Variants in KIF27 observed in about 807,000 individuals in gnomAD.
KIF27 encodes kinesin-like protein KIF27.
A neutral mutation model predicts 141.8 loss-of-function variants in KIF27; 84 were observed. That is an observed-to-expected ratio of 0.59 (90% confidence interval 0.50 to 0.71). KIF27 has a LOEUF of 0.71. Ranked by LOEUF, KIF27 falls within the 30% of genes least tolerant of loss-of-function variation. KIF27 has a pLI of 0.00. For synonymous variants in KIF27, 471 were observed against 569.5 expected, an observed-to-expected ratio of 0.83 and a Z score of 2.46; for missense variants, 1,306 against 1,628.4, an observed-to-expected ratio of 0.80 and a Z score of 3.41.
chr9:83,865,616 T>C (rs1476449077), intron 13 of KIF27, among the ~76,000 whole-genome samples: 6 of 152,168 alleles, frequency 3.9e-5, no homozygotes, highest in African/African-American at 1.2e-4. Context: ...ACCCTTTTAA[T>C]TTCCAAGAGC....
intron 2 of KIF27, among the ~76,000 whole-genome samples, chr9:83,912,881 C>T (rs766062657): frequency 1.3e-5 from 2 of 151,954 alleles, no homozygotes; most frequent in African/African-American, 2.4e-5. Flanking sequence ...TAAAGCCAGG[C>T]GTGGTGGTTC....
intron 16 of KIF27, among the ~76,000 whole-genome samples, chr9:83,845,878 T>C (rs1201094762): frequency 6.6e-6 from 1 of 152,172 alleles, no homozygotes; most frequent in African/African-American, 2.4e-5. Flanking sequence ...AGTCAAAAAC[T>C]GTGAAGATAT....
Position 83,846,768 on chromosome 9 carries a change from CTT to C in KIF27, c.3556+3329_3556+3330del, listed in dbSNP as rs553560952. Among the ~76,000 whole-genome samples, 17 of 152,222 alleles carry C rather than the reference CTT, an allele frequency of 1.1e-4. 1 individual carries two copies. In the South Asian group the frequency reaches 3.5e-3, roughly 32 times the overall value. Reference sequence around the variant, plus strand: ...TATTATGTTCTGCTGGCCTAGAGGTCTTTGTTTCAGAGGAAGAAACACTGCCA... The same window carrying C: ...TATTATGTTCTGCTGGCCTAGAGGTCTGTTTCAGAGGAAGAAACACTGCCA... On this transcript the variant is annotated intron_variant, in intron 16 of 17. Transcript: ENST00000297814.
chr9:83,892,258 TC>T (rs1306509809), intron 5 of KIF27, among the ~76,000 whole-genome samples: 1 of 152,214 alleles, frequency 6.6e-6, no homozygotes, highest in African/African-American at 2.4e-5. Flanking sequence ...CCTTACATTT[TC>T]ATTGTATAAA....
chr9:83,857,675 T>C (rs1012799020), intron 14 of KIF27, among the ~76,000 whole-genome samples: 11 of 152,234 alleles, frequency 7.2e-5, no homozygotes, highest in Non-Finnish European at 1.3e-4. Flanking sequence ...TTCTCATCTC[T>C]GTGCCTTCTT....
At chr9:83,904,761 T>A (rs559139052) in intron 3 of KIF27, among the ~76,000 whole-genome samples, 1 of 152,134 alleles carries the variant, frequency 6.6e-6, no homozygotes, top group Non-Finnish European at 1.5e-5. Flanking sequence ...TTAAAAGGCA[T>A]TCGTTTTTTT....
At position 83,908,572 on chromosome 9, in the gene KIF27, T is replaced by C; in HGVS notation, c.379A>G (p.Ile127Val). 2.5e-6 allele frequency: 4 copies of C among 1,611,784 alleles called. No homozygotes were observed. Among genetic ancestry groups the C allele is most frequent in the East Asian group, 4.5e-5 (2 of 44,824 alleles). ...IFQSISEHPSIDFNVKVSYIE... is the reference protein window; with the variant it reads ...IFQSISEHPSVDFNVKVSYIE... ...TAAGATACTTTTACATTAAAGTCAA[T>C]GCTAGGATGTTCAGAGATGCTTTGA... Residue 127 changes from isoleucine to valine, a missense_variant, in exon 3 of 18, where the codon ATT becomes GTT. Around this residue, in one of 4 missense-constraint regions of KIF27, gnomAD observed 533 missense variants for 565.6 expected, o/e 0.94. Transcript: ENST00000297814.
intron 9 of KIF27, 73 bp from the exon 10 acceptor site, chr9:83,884,091 C>G: frequency 9.0e-7 from 1 of 1,109,778 alleles, no homozygotes; most frequent in Non-Finnish European, 1.3e-6. Flanking sequence ...CATAAAAATA[C>G]TCTACTCTAA....
At chr9:83,847,021 C>T (rs896034289) in intron 16 of KIF27, among the ~76,000 whole-genome samples, 3 of 152,092 alleles carry the variant, frequency 2.0e-5, no homozygotes, top group East Asian at 3.9e-4. Flanking sequence ...CTTAGTATTA[C>T]CATGCTCTGT....
intron 9 of KIF27, among the ~76,000 whole-genome samples, chr9:83,885,226 G>T (rs1454672084): frequency 6.6e-6 from 1 of 152,102 alleles, no homozygotes; most frequent in Non-Finnish European, 1.5e-5. Context: ...CTGAGTAGCT[G>T]GGATTACAGG....
Position 83,880,445 on chromosome 9 carries a change from A to G in KIF27, c.2495T>C (p.Ile832Thr). Residue 832 changes from isoleucine to threonine, a missense_variant, in exon 11 of 18, where the codon ATC becomes ACC. By Grantham distance (89) the Ile-to-Thr change is moderately conservative. Around this residue, in one of 4 missense-constraint regions of KIF27, gnomAD observed 596 missense variants for 751.6 expected, o/e 0.79. Transcript: ENST00000297814. ...QDSKKLASLS[I>T]QNEKRANELE... ...CTCATTAGCACGTTTCTCATTTTGG[A>G]TTGACAGTGATGCCAGTTTCTTACT... 6.2e-7 allele frequency: 1 copy of G among 1,612,968 alleles called. No individual in the cohort carries two copies. Among genetic ancestry groups the G allele is most frequent in the Non-Finnish European group, 8.5e-7 (1 of 1,179,788 alleles).
In KIF27 at chr9:83,850,830, C is replaced by CTTTTTT. The variant is rs202212264; in HGVS notation, c.3358-539_3358-534dup. 1.4e-3 allele frequency among the ~76,000 whole-genome samples: 95 copies of CTTTTTT among 67,522 alleles called. 2 individuals carry two copies. The highest frequency in any genetic ancestry group is 2.0e-3 in the Non-Finnish European group (70 of 34,872). The allele number at this position is 67,522 out of a possible 152,430, so 44.3% of individuals were successfully genotyped here. A position where few individuals can be genotyped will look rare whatever the true frequency, so the allele number is the denominator to read the frequency against. ...TGGAATTCTGAATTGATGACATTTTCTTTTTTTTTTTTTTTTTTTTTTTTT... is the reference window on the plus strand; with the variant it reads ...TGGAATTCTGAATTGATGACATTTTCTTTTTTTTTTTTTTTTTTTTTTTTTTTTTTT... On this transcript the variant is annotated intron_variant, in intron 15 of 17. Transcript: ENST00000297814.
At chr9:83,908,984 A>C (rs1354519824) in intron 2 of KIF27, among the ~76,000 whole-genome samples, 1 of 152,166 alleles carries the variant, frequency 6.6e-6, no homozygotes, top group African/African-American at 2.4e-5. Context: ...GTATCCCCTT[A>C]CCAAGAATTT....
chr9:83,888,590 C>T lies in KIF27; in HGVS notation c.1982G>A (p.Cys661Tyr), dbSNP rs745564312. Residue 661 changes from cysteine to tyrosine, a missense_variant and splice_region_variant, in exon 8 of 18, where the codon TGT becomes TAT. By Grantham distance (194) the Cys-to-Tyr change is radical (BLOSUM62 -2). Around this residue, in one of 4 missense-constraint regions of KIF27, gnomAD observed 596 missense variants for 751.6 expected, o/e 0.79. Transcript: ENST00000297814. ...SEGQEKSGTR[C>Y]RSRSWIQKPD... ...CTTCTGAATCCATGAACGACTTCTACATCTTAAAAAAAAATCAGAAAGTTA... is the reference window on the plus strand; with the variant it reads ...CTTCTGAATCCATGAACGACTTCTATATCTTAAAAAAAAATCAGAAAGTTA... The T allele has an allele frequency of 2.5e-5, 38 of 1,550,680 alleles. No individual in the cohort carries two copies. The highest frequency in any genetic ancestry group is 3.3e-5 in the Non-Finnish European group (38 of 1,137,180).
At chr9:83,875,663 A>G (rs1447296336) in intron 11 of KIF27, among the ~76,000 whole-genome samples, 1 of 152,142 alleles carries the variant, frequency 6.6e-6, no homozygotes, top group Non-Finnish European at 1.5e-5. Flanking sequence ...TCAGGAAGAG[A>G]GGAAAAAACA....
Position 83,903,187 on chromosome 9 carries a change from T to A in KIF27, c.1331A>T (p.Asn444Ile). 1 of 1,614,180 alleles carries A rather than the reference T, an allele frequency of 6.2e-7. No homozygotes were observed. Reference sequence around the variant, plus strand: ...AGCCTTCCTGACCTCTTGGATCATGTTAAACCACTCCTGCAGTTTGTGTTG... The same window carrying A: ...AGCCTTCCTGACCTCTTGGATCATGATAAACCACTCCTGCAGTTTGTGTTG... ...KQQHKLQEWF[N>I]MIQEVRKAVL... Residue 444 changes from asparagine to isoleucine, a missense_variant, in exon 4 of 18, where the codon AAC (asparagine) becomes ATC (isoleucine). Physicochemically the swap from Asn to Ile is moderately radical, Grantham distance 149. Transcript: ENST00000297814.
At chr9:83,862,451 G>C (rs1484891725) in intron 13 of KIF27, among the ~76,000 whole-genome samples, 1 of 152,048 alleles carries the variant, frequency 6.6e-6, no homozygotes, top group Non-Finnish European at 1.5e-5. Flanking sequence ...CCCATTTCTT[G>C]TTTTGTCAGG....
In KIF27 at chr9:83,848,146, CTGATATATCATATATG is replaced by C. The variant is rs1947716345; in HGVS notation, c.3556+1937_3556+1952del. Among the ~76,000 whole-genome samples, 2 of 44,780 alleles carry C rather than the reference CTGATATATCATATATG, an allele frequency of 4.5e-5. 1 individual carries two copies. Among genetic ancestry groups the C allele is most frequent in the East Asian group, 8.7e-4 (2 of 2,286 alleles). The allele number at this position is 44,780 out of a possible 152,430, so 29.4% of individuals were successfully genotyped here. A position where few individuals can be genotyped will look rare whatever the true frequency, so the allele number is the denominator to read the frequency against. The stretch of plus-strand genomic sequence containing the variant: ...ATCTGATATCTCATATATGATATAT[CTGATATATCATATATG>C]ATATATCTGATATATCATATATGAT... On this transcript the variant is annotated intron_variant, in intron 16 of 17. Transcript: ENST00000297814.
chr9:83,886,814 A>G (rs1204401168), intron 9 of KIF27, among the ~76,000 whole-genome samples: 1 of 152,180 alleles, frequency 6.6e-6, no homozygotes. Context: ...ATTTCAGCAC[A>G]ATGCAGAGTT....
Sources: gnomAD v4.1 joint callset for allele counts (sites outside exome capture counted in the v4.1 genomes callset) on GRCh38, gnomAD v4.1.1 for gene constraint, gnomAD v4.1.1 regional missense constraint, MANE v1.5 for transcripts, NCBI Gene and HGNC (gene_info 2026-07-23, HGNC 2026-07-21) for gene names.